The following PROS1 variants were observed in gnomAD, a reference collection of about 807,000 sequenced individuals.
The protein encoded by PROS1 is vitamin K-dependent protein S.
Under a neutral mutation model 75.9 loss-of-function variants are expected in PROS1, and 29 were observed. The observed-to-expected ratio is 0.38, with a 90% CI of 0.28 to 0.52. PROS1 has a LOEUF of 0.52. Among genes scored for constraint, PROS1 ranks in the 20% least tolerant of loss-of-function variants. The probability of loss-of-function intolerance (pLI) is 0.83; values close to 1 mark genes in which losing one functional copy is unlikely to be tolerated. For synonymous variants in PROS1, 245 were observed against 280.6 expected, an observed-to-expected ratio of 0.87 and a Z score of 1.27; for missense variants, 680 against 810.3, an observed-to-expected ratio of 0.84 and a Z score of 1.95.
chr3:93,885,308 C>T (rs543179669), intron 11 of PROS1, among the ~76,000 whole-genome samples: 2 of 152,310 alleles, frequency 1.3e-5, no homozygotes, highest in African/African-American at 2.4e-5. Context: ...TCACTGCAAC[C>T]TCTGCCTCCC....
At chr3:93,943,887 C>T (rs1450715374) in intron 1 of PROS1, among the ~76,000 whole-genome samples, 1 of 152,178 alleles carries the variant, frequency 6.6e-6, no homozygotes, top group Non-Finnish European at 1.5e-5. Context: ...CCCCTGTCCG[C>T]CAGAGAACAA....
chr3:93,973,893 G>T lies in PROS1; in HGVS notation c.-144C>A, dbSNP rs973446997. On this transcript the variant is annotated 5_prime_UTR_variant, in exon 1 of 15. Coordinates refer to ENST00000394236, the MANE Select transcript of PROS1 (RefSeq NM_000313.4). ...GCCAGCGACCCAGCGAGCCTCGGCG[G>T]AACAGCCGGGGGCGGAGGAGACCGC... 1 of 545,036 alleles carries T rather than the reference G, an allele frequency of 1.8e-6. No homozygotes were observed. Among genetic ancestry groups the T allele is most frequent in the African/African-American group, 2.0e-5 (1 of 49,890 alleles). The allele number at this position is 545,036 out of a possible 1,614,324, so 33.8% of individuals were successfully genotyped here.
chr3:93,903,223 A>G (rs1429556939), intron 6 of PROS1, among the ~76,000 whole-genome samples: 7 of 152,184 alleles, frequency 4.6e-5, no homozygotes, highest in Non-Finnish European at 7.3e-5. Context: ...CTTACATATC[A>G]TGACTAAACA....
At position 93,874,115 on chromosome 3, in the gene PROS1, T is replaced by C; in HGVS notation, c.*130A>G. 1 of 1,115,842 alleles carries C rather than the reference T, an allele frequency of 9.0e-7. No individual in the cohort carries two copies. Among genetic ancestry groups the C allele is most frequent in the Non-Finnish European group, 1.3e-6 (1 of 779,216 alleles). 69.1% of individuals were successfully genotyped at this position (1,115,842 alleles called of 1,614,324 possible). ...ATTTTTTTCCTTGACAAAGGACCTT[T>C]TAAAAATCCCAGGAAAGGACCACAA... On this transcript the variant is annotated 3_prime_UTR_variant, in exon 15 of 15. Coordinates refer to ENST00000394236, the MANE Select transcript of PROS1 (RefSeq NM_000313.4).
Position 93,970,274 on chromosome 3 carries a change from C to G in PROS1, c.76+3400G>C, listed in dbSNP as rs187751754. ...GCACAGCCAAAGGGACATCCTCTTT[C>G]TCCTATTTCCTCACCACATGCCTTA... is the stretch of plus-strand genomic sequence containing the variant. On this transcript the variant is annotated intron_variant, in intron 1 of 14. Coordinates refer to ENST00000394236, the MANE Select transcript of PROS1 (RefSeq NM_000313.4). Among the ~76,000 whole-genome samples the G allele has an allele frequency of 3.9e-5, 6 of 152,298 alleles. No homozygotes were observed. The East Asian group carries it at 1.2e-3, about 29-fold the overall frequency.
At chr3:93,961,667 T>C (rs1329289467) in intron 1 of PROS1, among the ~76,000 whole-genome samples, 1 of 152,228 alleles carries the variant, frequency 6.6e-6, no homozygotes, top group Non-Finnish European at 1.5e-5. Context: ...TTTGGTAATG[T>C]GTTACAAAGC....
intron 8 of PROS1, among the ~76,000 whole-genome samples, chr3:93,897,811 G>T (rs1204737582): frequency 6.6e-6 from 1 of 152,014 alleles, no homozygotes; most frequent in African/African-American, 2.4e-5. Context: ...TTATTTCAAT[G>T]AAGTAAAAAT....
At chr3:93,900,449 T>C (rs1708574861) in intron 7 of PROS1, among the ~76,000 whole-genome samples, 1 of 152,246 alleles carries the variant, frequency 6.6e-6, no homozygotes, top group Admixed American at 6.5e-5. Flanking sequence ...TTTAAGCTTG[T>C]GTCTTTCTTT....
At chr3:93,938,740 C>G (rs758142766) in intron 1 of PROS1, among the ~76,000 whole-genome samples, 9 of 152,194 alleles carry the variant, frequency 5.9e-5, no homozygotes, top group Non-Finnish European at 1.3e-4. Context: ...ACCCAAAACT[C>G]TGGTGCTGGT....
At chr3:93,965,627 G>C (rs1709776942) in intron 1 of PROS1, among the ~76,000 whole-genome samples, 1 of 152,152 alleles carries the variant, frequency 6.6e-6, no homozygotes, top group African/African-American at 2.4e-5. Flanking sequence ...CATCTTGGAA[G>C]CAGCTCACCA....
chr3:93,893,221 A>T, intron 9 of PROS1, 99 bp from the exon 10 acceptor site: 1 of 1,068,086 alleles, frequency 9.4e-7, no homozygotes, highest in Non-Finnish European at 1.4e-6. Context: ...AACACAGACA[A>T]AGAGTCAATT....
intron 8 of PROS1, among the ~76,000 whole-genome samples, chr3:93,898,091 G>A (rs1242181871): frequency 6.6e-6 from 1 of 152,000 alleles, no homozygotes; most frequent in Non-Finnish European, 1.5e-5. Flanking sequence ...ACTGGAAAAT[G>A]TTTTCACTGA....
At chr3:93,971,024 G>A (rs188538004) in intron 1 of PROS1, among the ~76,000 whole-genome samples, 495 of 151,272 alleles carry the variant, frequency 3.3e-3, no homozygotes, top group Admixed American at 5.9e-3. Context: ...TTTTTTAATC[G>A]TCCTTAGCTT....
intron 3 of PROS1, among the ~76,000 whole-genome samples, chr3:93,919,268 A>G (rs1470005306): frequency 2.0e-5 from 3 of 152,228 alleles, no homozygotes; most frequent in African/African-American, 7.2e-5. Context: ...CCAGTGGAGT[A>G]TAAGGATTTC....
chr3:93,925,205 T>C (rs1324589061), intron 2 of PROS1, among the ~76,000 whole-genome samples: 1 of 152,170 alleles, frequency 6.6e-6, no homozygotes, highest in African/African-American at 2.4e-5. Flanking sequence ...ATGTGTACCA[T>C]TAACAGCACA....
intron 9 of PROS1, among the ~76,000 whole-genome samples, chr3:93,894,446 T>C (rs528147019): frequency 1.3e-5 from 2 of 152,322 alleles, no homozygotes; most frequent in South Asian, 2.1e-4. Context: ...TTTGCTGATG[T>C]GAAGCAATAT....
intron 1 of PROS1, among the ~76,000 whole-genome samples, chr3:93,969,500 G>A (rs776686744): frequency 1.3e-5 from 2 of 152,092 alleles, no homozygotes; most frequent in African/African-American, 2.4e-5. Context: ...GTGAGCTGTC[G>A]ATCACAGGAC....
chr3:93,965,221 G>A (rs1245150574), intron 1 of PROS1, among the ~76,000 whole-genome samples: 2 of 152,150 alleles, frequency 1.3e-5, no homozygotes, highest in African/African-American at 4.8e-5. Flanking sequence ...TCTTGCAACT[G>A]CCCTCTTCTG....
At chr3:93,878,307 T>C (rs946377168) in intron 13 of PROS1, among the ~76,000 whole-genome samples, 2 of 152,050 alleles carry the variant, frequency 1.3e-5, no homozygotes, top group Non-Finnish European at 1.5e-5. Flanking sequence ...AAAAAAAAAC[T>C]CATCAGGATA....
Sources: allele counts gnomAD v4.1 joint callset (sites outside exome capture counted in the v4.1 genomes callset), GRCh38; gene constraint gnomAD v4.1.1; transcripts MANE v1.5; gene names NCBI Gene and HGNC (gene_info 2026-07-23, HGNC 2026-07-21).